Variants in KCNK2 observed in about 807,000 individuals in gnomAD.
KCNK2 encodes the protein potassium two pore domain channel subfamily K member 2, also known as potassium channel subfamily K member 2.
KCNK2 carries 21 observed loss-of-function variants against 40.5 expected under a neutral mutation model. That is an observed-to-expected ratio of 0.52 (90% CI 0.37 to 0.75). The LOEUF (loss-of-function observed/expected upper bound fraction) is 0.75. Ranked by LOEUF, KCNK2 falls within the 30% of genes least tolerant of loss-of-function variation. The pLI, the probability that KCNK2 is intolerant of heterozygous loss-of-function variation, is 0.00. For missense variants in KCNK2, 399 were observed against 531.6 expected, an observed-to-expected ratio of 0.75 and a Z score of 2.45; for synonymous variants, 191 against 202.2, an observed-to-expected ratio of 0.94 and a Z score of 0.47.
At chr1:215,117,053 T>C (rs1660977259) in intron 2 of KCNK2, among the ~76,000 whole-genome samples, 1 of 152,192 alleles carries the variant, frequency 6.6e-6, no homozygotes, top group African/African-American at 2.4e-5. Context: ...CTCTATAACA[T>C]TACATTTAAT....
intron 2 of KCNK2, 54 bp from the exon 3 acceptor site, chr1:215,124,579 T>C (rs988414413): frequency 1.0e-6 from 1 of 1,000,418 alleles, no homozygotes; most frequent in African/African-American, 1.6e-5. Context: ...TATATGCTGT[T>C]TGATGCCTCT....
intron 3 of KCNK2, among the ~76,000 whole-genome samples, chr1:215,146,238 A>C (rs918369420): frequency 2.0e-5 from 3 of 152,182 alleles, no homozygotes; most frequent in Non-Finnish European, 4.4e-5. Context: ...GTTCTTTGGC[A>C]AAATTTCTTT....
At chr1:215,218,948 AC>A (rs1457202589) in intron 6 of KCNK2, among the ~76,000 whole-genome samples, 6 of 152,288 alleles carry the variant, frequency 3.9e-5, no homozygotes, top group African/African-American at 1.4e-4. Flanking sequence ...ATCATACAAA[AC>A]CTTTTTGCTC....
chr1:215,222,066 T>A (rs570415098), intron 6 of KCNK2, among the ~76,000 whole-genome samples: 63 of 152,022 alleles, frequency 4.1e-4, no homozygotes, highest in African/African-American at 1.4e-3. Flanking sequence ...GGAGGTGACA[T>A]ACACTTTTAA....
At chr1:215,025,779 T>C (rs988672836) in intron 1 of KCNK2, among the ~76,000 whole-genome samples, 2 of 152,078 alleles carry the variant, frequency 1.3e-5, no homozygotes, top group African/African-American at 4.8e-5. Flanking sequence ...TTTGTGTACA[T>C]ATTTTTGCCA....
intron 3 of KCNK2, among the ~76,000 whole-genome samples, chr1:215,133,913 T>A (rs1430993763): frequency 6.6e-6 from 1 of 152,156 alleles, no homozygotes; most frequent in Non-Finnish European, 1.5e-5. Context: ...AAAATGCACA[T>A]TAATTGCTAA....
At chr1:215,173,077 G>A (rs1484204583) in intron 5 of KCNK2, among the ~76,000 whole-genome samples, 5 of 151,762 alleles carry the variant, frequency 3.3e-5, no homozygotes. Flanking sequence ...CCATTAACTC[G>A]TCATTTACAT....
intron 3 of KCNK2, among the ~76,000 whole-genome samples, chr1:215,162,311 T>C (rs988463726): frequency 8.5e-5 from 13 of 152,224 alleles, no homozygotes; most frequent in African/African-American, 3.1e-4. Flanking sequence ...CTGTAGATTC[T>C]GGATATTAGC....
At chr1:215,031,723 G>T (rs1571858946) in intron 1 of KCNK2, among the ~76,000 whole-genome samples, 1 of 152,084 alleles carries the variant, frequency 6.6e-6, no homozygotes, top group Non-Finnish European at 1.5e-5. Context: ...TTCATTACTG[G>T]TATAGAGGAT....
At chr1:215,151,758 A>G (rs1166741616) in intron 3 of KCNK2, among the ~76,000 whole-genome samples, 1 of 151,622 alleles carries the variant, frequency 6.6e-6, no homozygotes, top group African/African-American at 2.4e-5. Flanking sequence ...GTTGCTGTTG[A>G]GGTTTTTTTG....
Position 215,172,150 on chromosome 1 carries a change from C to G in KCNK2, c.790C>G (p.Leu264Val). ...CGCCATTTATTTTGTGGTTATCACT[C>G]TAACAACTATTGGATTTGGTGACTA... is the stretch of plus-strand genomic sequence containing the variant. ...LDAIYFVVITLTTIGFGDYVA... is the reference protein window; with the variant it reads ...LDAIYFVVITVTTIGFGDYVA... Residue 264 changes from leucine (L) to valine (V), a missense_variant, in exon 5 of 7, where the codon CTA becomes GTA. Leu to Val is a conservative substitution (Grantham distance 32, BLOSUM62 1). Around this residue, in one of 3 missense-constraint regions of KCNK2, gnomAD observed 279 missense variants for 353.8 expected, o/e 0.79. Transcript: ENST00000444842. 1 of 1,613,204 alleles carries G rather than the reference C, an allele frequency of 6.2e-7. No individual in the cohort carries two copies. Among genetic ancestry groups the G allele is most frequent in the Non-Finnish European group, 8.5e-7 (1 of 1,179,586 alleles).
At chr1:215,220,941 C>T (rs1433131148) in intron 6 of KCNK2, among the ~76,000 whole-genome samples, 1 of 152,200 alleles carries the variant, frequency 6.6e-6, no homozygotes, top group East Asian at 1.9e-4. Context: ...CCACCCGGGT[C>T]ATCAGACAGT....
intron 1 of KCNK2, among the ~76,000 whole-genome samples, chr1:215,076,402 A>C (rs1015071280): frequency 2.0e-5 from 3 of 152,110 alleles, no homozygotes; most frequent in Non-Finnish European, 4.4e-5. Context: ...GGGTCTCTCA[A>C]ATGGCTGAAA....
rs1661401414 is a variant in KCNK2, at chr1:215,125,772, ATATAT to A, written c.475+1023_475+1027del. On this transcript the variant is annotated intron_variant, in intron 3 of 6. Coordinates refer to ENST00000444842, the MANE Select transcript of KCNK2 (RefSeq NM_001017425.3). ...TATATATATATATATATATATATAT[ATATAT>A]AAAATAAAATTTGAAAAAAAAAAAA... Among the ~76,000 whole-genome samples the A allele has an allele frequency of 8.7e-5, 8 of 92,438 alleles. 1 individual carries two copies. The South Asian group carries it at 1.0e-3, about 12-fold the overall frequency. 60.6% of individuals were successfully genotyped at this position (92,438 alleles called of 152,430 possible).
chr1:215,168,239 C>G (rs185674773), intron 3 of KCNK2, among the ~76,000 whole-genome samples: 2 of 152,230 alleles, frequency 1.3e-5, no homozygotes, highest in Middle Eastern at 3.4e-3. Flanking sequence ...AATAGGAACA[C>G]TTTTATACTG....
chr1:215,094,043 T>A (rs1659872436), intron 2 of KCNK2, among the ~76,000 whole-genome samples: 2 of 146,628 alleles, frequency 1.4e-5, no homozygotes, highest in Admixed American at 7.2e-5. Context: ...CAATTACTTT[T>A]GCACCAACCT....
intron 1 of KCNK2, among the ~76,000 whole-genome samples, chr1:215,044,641 C>G (rs1472233162): frequency 1.3e-5 from 2 of 152,006 alleles, no homozygotes; most frequent in African/African-American, 4.8e-5. Flanking sequence ...CCAATTATCA[C>G]CGGTTATAAT....
At chr1:215,016,528 A>C (rs1378153404) in intron 1 of KCNK2, among the ~76,000 whole-genome samples, 1 of 152,154 alleles carries the variant, frequency 6.6e-6, no homozygotes, top group African/African-American at 2.4e-5. Context: ...TTAATAAATC[A>C]TGTTGGGAAA....
chr1:215,164,038 CT>C (rs1389265643), intron 3 of KCNK2, among the ~76,000 whole-genome samples: 1 of 152,180 alleles, frequency 6.6e-6, no homozygotes, highest in Admixed American at 6.5e-5. Context: ...GGCTGTGAAT[CT>C]GTCTGGTCCT....
Sources: gnomAD v4.1 joint callset for allele counts (sites outside exome capture counted in the v4.1 genomes callset) on GRCh38, gnomAD v4.1.1 for gene constraint, gnomAD v4.1.1 regional missense constraint, MANE v1.5 for transcripts, NCBI Gene and HGNC (gene_info 2026-07-23, HGNC 2026-07-21) for gene names.